The following PLXNC1 variants were observed in gnomAD, a reference collection of about 807,000 sequenced individuals.
PLXNC1 encodes the protein plexin-C1.
A neutral mutation model predicts 178.2 loss-of-function variants in PLXNC1; 75 were observed. That is an observed-to-expected ratio of 0.42 (90% CI 0.35 to 0.51). PLXNC1 has a LOEUF of 0.51. Ranked by LOEUF, PLXNC1 falls within the 20% of genes least tolerant of loss-of-function variation. PLXNC1 has a pLI of 0.02. For synonymous variants in PLXNC1, 790 were observed against 779.9 expected, an observed-to-expected ratio of 1.01 and a Z score of -0.22; for missense variants, 1,503 against 1,984.4, an observed-to-expected ratio of 0.76 and a Z score of 4.61.
intron 12 of PLXNC1, among the ~76,000 whole-genome samples, 173 bp from the exon 13 acceptor site, chr12:94,247,730 A>C (rs949250106): frequency 3.9e-5 from 6 of 152,104 alleles, no homozygotes; most frequent in Admixed American, 2.0e-4. Context: ...CCCTCATTTA[A>C]TGTAATGTAG....
In PLXNC1 at chr12:94,166,537, T is replaced by G. The variant is rs1466310730; in HGVS notation, c.1063-2616T>G. ...ACATGTTAGCTGGTATTATTATTAT[T>G]ATTATTATTATTATTATTATTATTA... is the stretch of plus-strand genomic sequence containing the variant. On this transcript the variant is annotated intron_variant, in intron 1 of 30. Coordinates refer to ENST00000258526, the MANE Select transcript of PLXNC1 (RefSeq NM_005761.3). Among the ~76,000 whole-genome samples, 4 of 142,066 alleles carry G rather than the reference T, an allele frequency of 2.8e-5. No individual in the cohort carries two copies. In the East Asian group the frequency reaches 8.5e-4, roughly 30 times the overall value. The allele number at this position is 142,066 out of a possible 152,430, so 93.2% of individuals were successfully genotyped here.
At chr12:94,236,867 A>G (rs978128826) in intron 9 of PLXNC1, among the ~76,000 whole-genome samples, 2 of 152,216 alleles carry the variant, frequency 1.3e-5, no homozygotes, top group Non-Finnish European at 2.9e-5. Context: ...GGATTGTTTT[A>G]TCTTGAAAAG....
At chr12:94,271,692 A>G (rs1424423886) in intron 21 of PLXNC1, among the ~76,000 whole-genome samples, 2 of 152,154 alleles carry the variant, frequency 1.3e-5, no homozygotes, top group Non-Finnish European at 2.9e-5. Context: ...AAAATAATAC[A>G]TGTACCACGT....
intron 9 of PLXNC1, among the ~76,000 whole-genome samples, chr12:94,232,145 G>A (rs935020007): frequency 1.3e-4 from 20 of 151,974 alleles, no homozygotes; most frequent in African/African-American, 4.6e-4. Context: ...GGAGTGCAGT[G>A]GCACAATCTC....
intron 23 of PLXNC1, among the ~76,000 whole-genome samples, chr12:94,287,722 A>G (rs1218021533): frequency 6.6e-6 from 1 of 152,264 alleles, no homozygotes; most frequent in South Asian, 2.1e-4. Flanking sequence ...AAGTAAGGTC[A>G]GCAATGCTTC....
rs1962585664 is a variant in PLXNC1 at position 94,188,055 on chromosome 12, AAGG to A, written c.1439+1590_1439+1592del. Among the ~76,000 whole-genome samples, 6 of 152,002 alleles carry A rather than the reference AAGG, an allele frequency of 3.9e-5. No individual in the cohort carries two copies. In the South Asian group the frequency reaches 8.3e-4, roughly 21 times the overall value. The stretch of plus-strand genomic sequence containing the variant: ...TGGTCTCCTGGAAGCCAAGGAAAGA[AAGG>A]AGGAGGAAGTGATCCACTGGGTCAG... On this transcript the variant is annotated intron_variant, in intron 4 of 30. Coordinates refer to ENST00000258526, the MANE Select transcript of PLXNC1 (RefSeq NM_005761.3).
intron 14 of PLXNC1, 135 bp from the exon 15 acceptor site, chr12:94,251,291 A>G (rs148984281): frequency 9.6e-6 from 6 of 624,574 alleles, no homozygotes; most frequent in South Asian, 7.7e-5. Context: ...TGCCACAGAA[A>G]TGAGAGTTGA....
Position 94,305,256 on chromosome 12 carries a change from G to A in PLXNC1, c.4678G>A (p.Asp1560Asn). Residue 1560 changes from aspartate (D) to asparagine (N), a missense_variant, in exon 31 of 31, where the codon GAT (aspartate) becomes AAT (asparagine). Physicochemically the swap from Asp to Asn is conservative, Grantham distance 23 (BLOSUM62 1). Around this residue, in one of 4 missense-constraint regions of PLXNC1, gnomAD observed 639 missense variants for 979.7 expected, o/e 0.65. Coordinates refer to ENST00000258526, the MANE Select transcript of PLXNC1 (RefSeq NM_005761.3). ...ACTCTTGCATGTAAAAGTCTTATTT[G>A]ATGAAAAGAAGAAATGCAAGTGGAT... ...KQLLHVKVLF[D>N]EKKKCKWM 4.3e-6 allele frequency: 7 copies of A among 1,610,404 alleles called. No individual in the cohort carries two copies. The highest frequency in any genetic ancestry group is 5.9e-6 in the Non-Finnish European group (7 of 1,177,414).
chr12:94,155,903 G>A (rs1057463922), intron 1 of PLXNC1, among the ~76,000 whole-genome samples: 4 of 152,172 alleles, frequency 2.6e-5, no homozygotes, highest in Non-Finnish European at 5.9e-5. Flanking sequence ...CTTGAGTAAG[G>A]TCAGATAAAG....
At chr12:94,232,368 C>T (rs1964126215) in intron 9 of PLXNC1, among the ~76,000 whole-genome samples, 1 of 152,222 alleles carries the variant, frequency 6.6e-6, no homozygotes, top group South Asian at 2.1e-4. Context: ...GGATTACAGG[C>T]ATGAGCCACC....
chr12:94,183,561 TA>T (rs1447995209), intron 3 of PLXNC1, among the ~76,000 whole-genome samples: 1 of 152,234 alleles, frequency 6.6e-6, no homozygotes, highest in Admixed American at 6.5e-5. Flanking sequence ...ATGGAGCTGA[TA>T]AAATTCCAAC....
Position 94,224,585 on chromosome 12 carries a change from G to A in PLXNC1, c.1790+270G>A, listed in dbSNP as rs138563269. 5.3e-5 allele frequency among the ~76,000 whole-genome samples: 8 copies of A among 152,262 alleles called. No homozygotes were observed. The East Asian group carries it at 1.2e-3, about 22-fold the overall frequency. Reference sequence around the variant, plus strand: ...CAGGGAAATATGTCTTCCCAGGACCGAGAGGCAGCCTTGAAGTAAGTAAAG... The same window carrying A: ...CAGGGAAATATGTCTTCCCAGGACCAAGAGGCAGCCTTGAAGTAAGTAAAG... On this transcript the variant is annotated intron_variant, in intron 7 of 30. Transcript: ENST00000258526.
intron 4 of PLXNC1, among the ~76,000 whole-genome samples, chr12:94,201,227 C>T (rs12318119): frequency 0.65 from 98,218 of 152,096 alleles, 32,251 homozygotes; most frequent in East Asian, 0.87. Flanking sequence ...GGAAACAGAG[C>T]TGTGATTAAG....
chr12:94,150,382 C>T (rs1383895411), intron 1 of PLXNC1, among the ~76,000 whole-genome samples: 1 of 152,238 alleles, frequency 6.6e-6, no homozygotes, highest in African/African-American at 2.4e-5. Context: ...CTTTCCCATT[C>T]GCTTCTCCAG....
At chr12:94,292,837 C>T (rs1967487622) in intron 23 of PLXNC1, among the ~76,000 whole-genome samples, 1 of 152,148 alleles carries the variant, frequency 6.6e-6, no homozygotes, top group Admixed American at 6.5e-5. Context: ...GATTTTGGAG[C>T]ATTTTGAATT....
rs766804196 is a variant in PLXNC1, at chr12:94,149,238, G to C, written c.267G>C (p.Glu89Asp). ...GGGACCAAGCGGGCAACTGCACAGA[G>C]CCGGTCTCGCTGGCGCCCCCCGCGC... ...LYRDQAGNCT[E>D]PVSLAPPARP... Residue 89 changes from glutamate to aspartate, a missense_variant, in exon 1 of 31, where the codon GAG (glutamate) becomes GAC (aspartate). Glu to Asp is a conservative substitution (Grantham distance 45, BLOSUM62 2). Around this residue, in one of 4 missense-constraint regions of PLXNC1, gnomAD observed 176 missense variants for 180.7 expected, o/e 0.97. Coordinates refer to ENST00000258526, the MANE Select transcript of PLXNC1 (RefSeq NM_005761.3). The C allele has an allele frequency of 5.1e-6, 8 of 1,564,966 alleles. No homozygotes were observed. The African/African-American group carries it at 9.9e-5, about 19-fold the overall frequency.
chr12:94,185,637 G>T (rs1404102055), intron 3 of PLXNC1, among the ~76,000 whole-genome samples: 1 of 151,992 alleles, frequency 6.6e-6, no homozygotes, highest in African/African-American at 2.4e-5. Flanking sequence ...TACTCCCCCT[G>T]TTTCTTTTAT....
chr12:94,196,880 A>C (rs1962936525), intron 4 of PLXNC1, among the ~76,000 whole-genome samples: 2 of 152,254 alleles, frequency 1.3e-5, no homozygotes, highest in Admixed American at 1.3e-4. Context: ...GCTTATGTAT[A>C]GTTTCCCACA....
chr12:94,253,379 G>C (rs1964755246), intron 15 of PLXNC1, among the ~76,000 whole-genome samples: 1 of 151,932 alleles, frequency 6.6e-6, no homozygotes, highest in Non-Finnish European at 1.5e-5. Context: ...TGTTCATTGA[G>C]CACCTGTTAT....
Sources: allele counts gnomAD v4.1 joint callset (sites outside exome capture counted in the v4.1 genomes callset), GRCh38; gene constraint gnomAD v4.1.1; regional missense constraint gnomAD v4.1.1; transcripts MANE v1.5; gene names NCBI Gene and HGNC (gene_info 2026-07-23, HGNC 2026-07-21).